Variants in SCUBE2 observed in about 807,000 individuals in gnomAD.
The protein encoded by SCUBE2 is signal peptide, CUB domain and EGF like domain containing 2.
In SCUBE2, 114 loss-of-function variants were observed where a neutral mutation model predicts 125.9. The observed-to-expected ratio is 0.91, with a 90% CI of 0.78 to 1.06. SCUBE2 has a LOEUF of 1.06. Ranked by LOEUF, SCUBE2 falls within the 50% of genes least tolerant of loss-of-function variation. The pLI, the probability that SCUBE2 is intolerant of heterozygous loss-of-function variation, is 0.00. For synonymous variants in SCUBE2, 459 were observed against 492.9 expected, an observed-to-expected ratio of 0.93 and a Z score of 0.91; for missense variants, 1,255 against 1,301.8, an observed-to-expected ratio of 0.96 and a Z score of 0.55.
chr11:9,060,569 C>A, intron 7 of SCUBE2, 45 bp from the exon 8 acceptor site: 1 of 1,515,400 alleles, frequency 6.6e-7, no homozygotes, highest in Non-Finnish European at 9.1e-7. Flanking sequence ...CAAAGAAGTG[C>A]TGATACAGCT....
chr11:9,045,468 A>G (rs769445373), intron 16 of SCUBE2, among the ~76,000 whole-genome samples: 7 of 152,086 alleles, frequency 4.6e-5, no homozygotes, highest in Non-Finnish European at 1.0e-4. Context: ...TCTTTTCTGC[A>G]AATACCGAAA....
At chr11:9,062,283 T>G (rs542964749) in intron 7 of SCUBE2, among the ~76,000 whole-genome samples, 2 of 152,358 alleles carry the variant, frequency 1.3e-5, no homozygotes, top group South Asian at 4.1e-4. Context: ...GAAACAACAC[T>G]GCAACCCAGG....
At position 9,089,357 on chromosome 11, in the gene SCUBE2, C is replaced by T. The variant is rs116774234; in HGVS notation, c.256+350G>A. 9.1e-3 allele frequency among the ~76,000 whole-genome samples: 1,382 copies of T among 152,334 alleles called. 17 individuals carry two copies. The highest frequency in any genetic ancestry group is 0.029 in the African/African-American group (1,192 of 41,576). ...AGGTACAAACCGCCCCAGGGAGGTG[C>T]AGGATCAGCCCTGCTCTGGCAGGCA... is the stretch of plus-strand genomic sequence containing the variant. On this transcript the variant is annotated intron_variant, in intron 2 of 22. Coordinates refer to ENST00000649792, the MANE Select transcript of SCUBE2 (RefSeq NM_001367977.2).
At chr11:9,062,230 T>C (rs1859751575) in intron 7 of SCUBE2, among the ~76,000 whole-genome samples, 1 of 152,196 alleles carries the variant, frequency 6.6e-6, no homozygotes, top group African/African-American at 2.4e-5. Context: ...TTCCAAAAGC[T>C]ATGTTAAAAT....
chr11:9,029,668 C>T (rs1025884005), intron 19 of SCUBE2, among the ~76,000 whole-genome samples: 3 of 152,206 alleles, frequency 2.0e-5, no homozygotes, highest in Non-Finnish European at 1.5e-5. Context: ...GTAAGTGTGC[C>T]TGAGGAAGTA....
intron 6 of SCUBE2, among the ~76,000 whole-genome samples, chr11:9,066,227 T>C (rs1186329777): frequency 6.6e-6 from 1 of 152,064 alleles, no homozygotes; most frequent in Non-Finnish European, 1.5e-5. Context: ...AAAGAGACAC[T>C]AGGGAATGCA....
intron 9 of SCUBE2, among the ~76,000 whole-genome samples, chr11:9,056,219 G>A (rs1590083331): frequency 1.3e-5 from 2 of 152,176 alleles, no homozygotes; most frequent in Admixed American, 6.5e-5. Flanking sequence ...GAAGCCAAAT[G>A]AGATAACATA....
intron 16 of SCUBE2, among the ~76,000 whole-genome samples, chr11:9,043,096 G>A (rs1444684452): frequency 6.6e-6 from 1 of 152,182 alleles, no homozygotes; most frequent in Non-Finnish European, 1.5e-5. Context: ...CAAGGTTGCT[G>A]CAGAGGAACA....
rs1045083742 is a variant in SCUBE2, at chr11:9,019,513, A to G, written c.*1532T>C. Among the ~76,000 whole-genome samples, 7 of 149,706 alleles carry G rather than the reference A, an allele frequency of 4.7e-5. No individual in the cohort carries two copies. Among genetic ancestry groups the G allele is most frequent in the Non-Finnish European group, 5.9e-5 (4 of 67,454 alleles). On this transcript the variant is annotated 3_prime_UTR_variant, in exon 23 of 23. Transcript: ENST00000649792. ...AAGTCCAAGTGCTTGTTTTAATGCT[A>G]TTTTTTTTTTAATGATGATGTTCAA...
intron 20 of SCUBE2, 131 bp downstream of exon 20, chr11:9,027,232 TA>T: frequency 1.2e-6 from 1 of 837,872 alleles, no homozygotes; most frequent in Non-Finnish European, 1.9e-6. Flanking sequence ...ACCAACTCTA[TA>T]AACTCATGTT....
chr11:9,045,618 C>G lies in SCUBE2; in HGVS notation c.2002+1738G>C, dbSNP rs865995979. 9.1e-3 allele frequency among the ~76,000 whole-genome samples: 1,213 copies of G among 132,950 alleles called. 10 individuals are homozygous for G. The highest frequency in any genetic ancestry group is 0.021 in the East Asian group (88 of 4,230). The allele number at this position is 132,950 out of a possible 152,430, so 87.2% of individuals were successfully genotyped here. On this transcript the variant is annotated intron_variant, in intron 16 of 22. Transcript: ENST00000649792. ...TAGAAGACAGACAGACAGACACACACACACACACACACACACACACACACA... is the reference window on the plus strand; with the variant it reads ...TAGAAGACAGACAGACAGACACACAGACACACACACACACACACACACACA...
intron 16 of SCUBE2, among the ~76,000 whole-genome samples, chr11:9,034,053 G>A (rs1420528923): frequency 6.6e-6 from 1 of 152,182 alleles, no homozygotes; most frequent in Non-Finnish European, 1.5e-5. Flanking sequence ...GATCACAGGG[G>A]TTCGAATTAT....
chr11:9,025,574 A>C, intron 21 of SCUBE2, 128 bp downstream of exon 21: 1 of 1,164,526 alleles, frequency 8.6e-7, no homozygotes, highest in Non-Finnish European at 1.2e-6. Context: ...TGAGTCAGCA[A>C]TGTCTTTTCC....
At chr11:9,051,020 G>A (rs535090218) in intron 13 of SCUBE2, among the ~76,000 whole-genome samples, 7 of 152,206 alleles carry the variant, frequency 4.6e-5, no homozygotes, top group East Asian at 3.9e-4. Flanking sequence ...AAAATTAGCC[G>A]GGCATGGTGG....
chr11:9,085,356 A>G (rs960397911), intron 2 of SCUBE2, among the ~76,000 whole-genome samples: 1 of 152,236 alleles, frequency 6.6e-6, no homozygotes, highest in Admixed American at 6.5e-5. Flanking sequence ...GGGCATATAT[A>G]TACACAGATG....
rs1862729156 is a variant in SCUBE2, at chr11:9,091,458, G to T, written c.71C>A (p.Pro24Gln). ...AVLLLLLLLP[P>Q]LLLLAGAVPP... ...GACGGCCCCCGCCAGCAGCAGCAGT[G>T]GCGGCAGCAGCAGCAGCAGCAGCAG... is the stretch of plus-strand genomic sequence containing the variant. Residue 24 changes from proline (P) to glutamine (Q), a missense_variant, in exon 1 of 23, where the codon CCA (proline) becomes CAA (glutamine). This residue lies in a region of SCUBE2 where 362 missense variants were observed against 323.0 expected (regional missense o/e 1.12). Coordinates refer to ENST00000649792, the MANE Select transcript of SCUBE2 (RefSeq NM_001367977.2). This position sits in a 1 kb window ranked among gnomAD's most constrained non-coding sequence, Gnocchi z 8.5. The T allele has an allele frequency of 7.8e-7, 1 of 1,284,380 alleles. No homozygotes were observed. The highest frequency in any genetic ancestry group is 9.8e-7 in the Non-Finnish European group (1 of 1,023,020). The allele number at this position is 1,284,380 out of a possible 1,614,324, so 79.6% of individuals were successfully genotyped here.
intron 20 of SCUBE2, chr11:9,027,005 C>A: frequency 3.7e-6 from 1 of 267,524 alleles, no homozygotes; most frequent in South Asian, 5.0e-5. Flanking sequence ...CCCCACCTGG[C>A]CAGGCTCGGT....
intron 16 of SCUBE2, among the ~76,000 whole-genome samples, chr11:9,041,805 GGTTT>G: frequency 6.6e-6 from 1 of 152,282 alleles, no homozygotes; most frequent in East Asian, 1.9e-4. Context: ...GTCAATGGAG[GGTTT>G]GTTTGGTTTT....
intron 7 of SCUBE2, among the ~76,000 whole-genome samples, chr11:9,060,982 A>G (rs1859624926): frequency 6.6e-6 from 1 of 152,178 alleles, no homozygotes. Context: ...CTTGTTGTAG[A>G]CTACTGACTT....
Sources: allele counts gnomAD v4.1 joint callset (sites outside exome capture counted in the v4.1 genomes callset), GRCh38; gene constraint gnomAD v4.1.1; regional missense constraint gnomAD v4.1.1; non-coding constraint Gnocchi (gnomAD v3.1); transcripts MANE v1.5; gene names NCBI Gene and HGNC (gene_info 2026-07-23, HGNC 2026-07-21).